LRRTM4: variants seen among roughly 807,000 people sequenced by gnomAD.
LRRTM4 encodes leucine-rich repeat transmembrane neuronal protein 4.
LRRTM4 carries 25 observed loss-of-function variants against 47.6 expected under a neutral mutation model. The observed-to-expected ratio is 0.53, with a 90% CI of 0.38 to 0.73. The LOEUF is 0.73. Among genes scored for constraint, LRRTM4 ranks in the 30% least tolerant of loss-of-function variants. LRRTM4 has a pLI of 0.00. For synonymous variants in LRRTM4, 311 were observed against 269.5 expected (o/e 1.15, Z -1.51); for missense variants, 638 against 713.4 (o/e 0.89, Z 1.20).
At chr2:77,042,771 G>T (rs1679080747) in intron 3 of LRRTM4, among the ~76,000 whole-genome samples, 1 of 151,632 alleles carries the variant, frequency 6.6e-6, no homozygotes, top group Non-Finnish European at 1.5e-5. Flanking sequence ...GAACTGTGAT[G>T]GTGTAATAAA....
At chr2:77,294,377 C>T (rs1158894577) in intron 3 of LRRTM4, among the ~76,000 whole-genome samples, 1 of 151,916 alleles carries the variant, frequency 6.6e-6, no homozygotes, top group Non-Finnish European at 1.5e-5. Context: ...TTAGAATTTA[C>T]CTAATATTTA....
At position 77,489,005 on chromosome 2, in the gene LRRTM4, TAA is replaced by T. The variant is rs5832284; in HGVS notation, c.1551+29311_1551+29312del. ...CCTAAAACTTAAAGTATAATAATAA[TAA>T]AAAAAATAAGAGACTACCTATGAAA... On this transcript the variant is annotated intron_variant, in intron 3 of 3. Coordinates refer to ENST00000409884, the MANE Select transcript of LRRTM4 (RefSeq NM_001134745.3). 2.6e-5 allele frequency among the ~76,000 whole-genome samples: 4 copies of T among 151,382 alleles called. No individual in the cohort carries two copies. In the East Asian group the frequency reaches 5.9e-4, roughly 22 times the overall value.
intron 3 of LRRTM4, among the ~76,000 whole-genome samples, chr2:76,977,773 A>G (rs942143480): frequency 6.6e-6 from 1 of 152,044 alleles, no homozygotes; most frequent in Non-Finnish European, 1.5e-5. Context: ...ATAAAGGAAC[A>G]ATCTAAAGCA....
intron 3 of LRRTM4, among the ~76,000 whole-genome samples, chr2:77,312,143 C>A (rs531612004): frequency 1.9e-4 from 29 of 152,216 alleles, no homozygotes; most frequent in African/African-American, 6.7e-4. Flanking sequence ...CTTTTCACTG[C>A]CCACAAATCC....
intron 3 of LRRTM4, among the ~76,000 whole-genome samples, chr2:77,437,666 T>G (rs1435296987): frequency 6.6e-6 from 1 of 152,140 alleles, no homozygotes; most frequent in Non-Finnish European, 1.5e-5. Flanking sequence ...CAAAACTTAA[T>G]TGAATCATGT....
chr2:76,867,535 G>A (rs546614955), intron 3 of LRRTM4, among the ~76,000 whole-genome samples: 1 of 152,122 alleles, frequency 6.6e-6, no homozygotes, highest in Non-Finnish European at 1.5e-5. Context: ...TTCTTTTTAT[G>A]GATGTTAGAA....
At chr2:76,838,594 A>C (rs1671584223) in intron 3 of LRRTM4, among the ~76,000 whole-genome samples, 2 of 152,254 alleles carry the variant, frequency 1.3e-5, no homozygotes, top group South Asian at 2.1e-4. Flanking sequence ...TACATAAAGA[A>C]GCCAAAATGC....
chr2:77,501,863 C>T (rs919361713), intron 3 of LRRTM4, among the ~76,000 whole-genome samples: 5 of 151,162 alleles, frequency 3.3e-5, no homozygotes, highest in African/African-American at 1.2e-4. Flanking sequence ...TTGCATGTGT[C>T]ACTAGTAGTC....
intron 3 of LRRTM4, among the ~76,000 whole-genome samples, chr2:77,236,033 C>G (rs1345654469): frequency 2.0e-5 from 3 of 151,610 alleles, no homozygotes; most frequent in Admixed American, 1.3e-4. Context: ...ATTTTAGAAT[C>G]TTTTTTTTCT....
chr2:77,002,241 G>A (rs1292057504), intron 3 of LRRTM4, among the ~76,000 whole-genome samples: 1 of 152,068 alleles, frequency 6.6e-6, no homozygotes, highest in Non-Finnish European at 1.5e-5. Context: ...GCCAGTACCA[G>A]ATGCTCTAAA....
At position 77,314,408 on chromosome 2, in the gene LRRTM4, C is replaced by G. The variant is rs1157222856; in HGVS notation, c.1551+203910G>C. ...AAATGCATATCAACAGAGAGAAGCACTGTTCAGATCTTGATTTATAGCCTT... is the reference window on the plus strand; with the variant it reads ...AAATGCATATCAACAGAGAGAAGCAGTGTTCAGATCTTGATTTATAGCCTT... On this transcript the variant is annotated intron_variant, in intron 3 of 3. Transcript: ENST00000409884. 4.6e-5 allele frequency among the ~76,000 whole-genome samples: 7 copies of G among 152,312 alleles called. No homozygotes were observed. The East Asian group carries it at 1.4e-3, about 29-fold the overall frequency.
chr2:77,067,817 GTC>G (rs1393671934), intron 3 of LRRTM4, among the ~76,000 whole-genome samples: 4 of 151,644 alleles, frequency 2.6e-5, no homozygotes, highest in African/African-American at 9.7e-5. Flanking sequence ...ACATCAGAAA[GTC>G]TCTTAGTGGA....
intron 3 of LRRTM4, among the ~76,000 whole-genome samples, chr2:77,096,861 T>G (rs1670826392): frequency 6.6e-6 from 1 of 151,566 alleles, no homozygotes; most frequent in African/African-American, 2.4e-5. Context: ...GAAGAAACAC[T>G]TTCAGATATA....
At position 77,365,329 on chromosome 2, in the gene LRRTM4, C is replaced by T. The variant is rs202040129; in HGVS notation, c.1551+152989G>A. ...ATTTCCAGAATATAATGCTTAACTACATCCTTCTAAGCCTGTGTTCCAGCT... is the reference window on the plus strand; with the variant it reads ...ATTTCCAGAATATAATGCTTAACTATATCCTTCTAAGCCTGTGTTCCAGCT... On this transcript the variant is annotated intron_variant, in intron 3 of 3. Coordinates refer to ENST00000409884, the MANE Select transcript of LRRTM4 (RefSeq NM_001134745.3). Among the ~76,000 whole-genome samples, 10 of 152,158 alleles carry T rather than the reference C, an allele frequency of 6.6e-5. No individual in the cohort carries two copies. The East Asian group carries it at 1.9e-3, about 29-fold the overall frequency.
chr2:76,953,245 C>T (rs1377877159), intron 3 of LRRTM4, among the ~76,000 whole-genome samples: 1 of 151,592 alleles, frequency 6.6e-6, no homozygotes, highest in East Asian at 1.9e-4. Context: ...CATGATAACA[C>T]AATAGACTAT....
At chr2:77,231,472 T>A (rs1005301494) in intron 3 of LRRTM4, among the ~76,000 whole-genome samples, 10 of 152,172 alleles carry the variant, frequency 6.6e-5, no homozygotes, top group Non-Finnish European at 1.2e-4. Context: ...GGGCTAAAAA[T>A]AGTTTTTACA....
At chr2:76,770,083 A>T (rs1014426505) in intron 3 of LRRTM4, among the ~76,000 whole-genome samples, 9 of 152,194 alleles carry the variant, frequency 5.9e-5, no homozygotes, top group Admixed American at 1.3e-4. Flanking sequence ...CACCAGATGT[A>T]GTCAATCAGT....
At chr2:76,838,938 CATA>C (rs2103924185) in intron 3 of LRRTM4, among the ~76,000 whole-genome samples, 1 of 152,104 alleles carries the variant, frequency 6.6e-6, no homozygotes, top group Admixed American at 6.6e-5. Context: ...TTTCAGTTTA[CATA>C]ATAATTTTGT....
At chr2:77,169,184 C>G (rs1380084687) in intron 3 of LRRTM4, among the ~76,000 whole-genome samples, 1 of 152,072 alleles carries the variant, frequency 6.6e-6, no homozygotes, top group African/African-American at 2.4e-5. Flanking sequence ...TGCCTACTTT[C>G]ACCATTCTTA....
Sources: allele counts gnomAD v4.1 joint callset (sites outside exome capture counted in the v4.1 genomes callset), GRCh38; gene constraint gnomAD v4.1.1; transcripts MANE v1.5; gene names NCBI Gene and HGNC (gene_info 2026-07-23, HGNC 2026-07-21).